MAML2: variants seen among roughly 807,000 people sequenced by gnomAD.
MAML2 encodes mastermind-like protein 2.
MAML2 carries 22 observed loss-of-function variants against 96.1 expected under a neutral mutation model. The ratio of observed to expected loss-of-function variants is 0.23; its 90% CI spans 0.16 to 0.33. MAML2 has a LOEUF of 0.33. Ranked by LOEUF, MAML2 falls within the 10% of genes least tolerant of loss-of-function variation. The probability of loss-of-function intolerance (pLI) is 1.00; values close to 1 mark genes in which losing one functional copy is unlikely to be tolerated. For synonymous variants in MAML2, 561 were observed against 521.3 expected (o/e 1.08, Z -1.04); for missense variants, 1,367 against 1,392.4 (o/e 0.98, Z 0.29).
At chr11:96,234,508 T>C (rs1862340597) in intron 1 of MAML2, among the ~76,000 whole-genome samples, 1 of 152,034 alleles carries the variant, frequency 6.6e-6, no homozygotes, top group South Asian at 2.1e-4. Context: ...AATAAACACA[T>C]ACATACATTT....
chr11:96,054,137 T>A (rs1428986799), intron 2 of MAML2, among the ~76,000 whole-genome samples: 1 of 152,194 alleles, frequency 6.6e-6, no homozygotes, highest in Non-Finnish European at 1.5e-5. Context: ...ATTGGAATTT[T>A]AAAGGTTCTT....
intron 1 of MAML2, among the ~76,000 whole-genome samples, chr11:96,293,142 G>A (rs533301975): frequency 2.0e-5 from 3 of 152,164 alleles, no homozygotes; most frequent in South Asian, 4.2e-4. Flanking sequence ...GTGTCTCTTC[G>A]AAAGAATCAC....
chr11:96,140,004 A>G (rs1168646739), intron 1 of MAML2, among the ~76,000 whole-genome samples: 1 of 152,260 alleles, frequency 6.6e-6, no homozygotes, highest in Non-Finnish European at 1.5e-5. Context: ...ATTGAAAACC[A>G]TCAGAACGAA....
intron 1 of MAML2, among the ~76,000 whole-genome samples, chr11:96,167,877 C>A (rs1213779819): frequency 1.3e-5 from 2 of 152,208 alleles, no homozygotes; most frequent in African/African-American, 4.8e-5. Context: ...ATAATTTCCT[C>A]CTAATTCTCA....
intron 1 of MAML2, among the ~76,000 whole-genome samples, chr11:96,109,065 C>G (rs896257219): frequency 6.6e-6 from 1 of 151,848 alleles, no homozygotes; most frequent in Admixed American, 6.6e-5. Context: ...TTCATCCAGT[C>G]AGTAATTGAA....
intron 3 of MAML2, among the ~76,000 whole-genome samples, chr11:95,986,850 A>G (rs1857836345): frequency 6.6e-6 from 1 of 152,114 alleles, no homozygotes; most frequent in Non-Finnish European, 1.5e-5. Flanking sequence ...TCCTTTTGGA[A>G]TCAGCCTTTT....
rs1181757353 is a variant in MAML2 at position 96,093,484 on chromosome 11, T to A, written c.547A>T (p.Asn183Tyr). The A allele has an allele frequency of 6.2e-7, 1 of 1,610,100 alleles. No homozygotes were observed. ...CGCTTGCTGTTGGCAGGAGATAGGT[T>A]AACTACCTGTTTTCTTTTCAAGGAA... is the stretch of plus-strand genomic sequence containing the variant. Reference protein sequence around the residue: ...QGSLKRKQVVNLSPANSKRPN... With the variant: ...QGSLKRKQVVYLSPANSKRPN... Residue 183 changes from asparagine (N) to tyrosine (Y), a missense_variant, in exon 2 of 5, where the codon AAC becomes TAC. Physicochemically the swap from Asn to Tyr is moderately radical, Grantham distance 143. Transcript: ENST00000524717.
intron 1 of MAML2, among the ~76,000 whole-genome samples, chr11:96,295,436 A>G (rs1863279891): frequency 6.6e-6 from 1 of 152,174 alleles, no homozygotes; most frequent in East Asian, 1.9e-4. Context: ...ATGAACTATA[A>G]ACAGAAGTTG....
chr11:96,002,985 TG>T (rs1858116760), intron 2 of MAML2, among the ~76,000 whole-genome samples: 1 of 141,730 alleles, frequency 7.1e-6, no homozygotes, highest in Non-Finnish European at 1.5e-5. Context: ...AGGATGATGA[TG>T]GTGATGATGA....
chr11:96,138,775 T>C (rs548141197), intron 1 of MAML2, among the ~76,000 whole-genome samples: 1 of 152,122 alleles, frequency 6.6e-6, no homozygotes, highest in Non-Finnish European at 1.5e-5. Context: ...GGTGAGTTTC[T>C]ATGATCCCCA....
At chr11:96,037,055 G>A (rs1858726155) in intron 2 of MAML2, among the ~76,000 whole-genome samples, 1 of 152,164 alleles carries the variant, frequency 6.6e-6, no homozygotes, top group Non-Finnish European at 1.5e-5. Flanking sequence ...GCCGTCGGGA[G>A]CCAACGCACC....
At chr11:96,028,761 G>A (rs1216832456) in intron 2 of MAML2, among the ~76,000 whole-genome samples, 1 of 152,206 alleles carries the variant, frequency 6.6e-6, no homozygotes, top group Non-Finnish European at 1.5e-5. Flanking sequence ...AGGGCAGAGG[G>A]AAATGTGACA....
intron 1 of MAML2, among the ~76,000 whole-genome samples, chr11:96,167,097 T>C (rs1349421208): frequency 6.6e-6 from 1 of 152,194 alleles, no homozygotes; most frequent in African/African-American, 2.4e-5. Context: ...ACCTAACCTG[T>C]TTAAAACTGA....
chr11:96,023,522 G>A (rs1858469023), intron 2 of MAML2, among the ~76,000 whole-genome samples: 1 of 152,210 alleles, frequency 6.6e-6, no homozygotes, highest in Admixed American at 6.5e-5. Flanking sequence ...CACCCAGCTA[G>A]TGAGACGACT....
chr11:96,141,770 A>G (rs1373096199), intron 1 of MAML2, among the ~76,000 whole-genome samples: 1 of 152,226 alleles, frequency 6.6e-6, no homozygotes, highest in Non-Finnish European at 1.5e-5. Context: ...GAGTTTCTGT[A>G]TCAGCAGGGG....
intron 1 of MAML2, among the ~76,000 whole-genome samples, chr11:96,100,550 T>A (rs916781343): frequency 1.8e-4 from 27 of 152,076 alleles, no homozygotes; most frequent in African/African-American, 6.3e-4. Flanking sequence ...CCTCAAGTGA[T>A]CTGCCTGCAT....
intron 2 of MAML2, among the ~76,000 whole-genome samples, chr11:96,058,402 A>G (rs778272363): frequency 6.6e-6 from 1 of 152,258 alleles, no homozygotes; most frequent in Admixed American, 6.5e-5. Flanking sequence ...TCACTGCAAC[A>G]TCTGCCTCTC....
intron 1 of MAML2, among the ~76,000 whole-genome samples, chr11:96,114,512 G>A (rs1860199886): frequency 2.0e-5 from 3 of 152,178 alleles, no homozygotes; most frequent in Non-Finnish European, 4.4e-5. Context: ...TACAGCCTCT[G>A]GCTTCTGTAG....
At chr11:96,107,937 A>G (rs1445168444) in intron 1 of MAML2, among the ~76,000 whole-genome samples, 1 of 152,106 alleles carries the variant, frequency 6.6e-6, no homozygotes, top group Non-Finnish European at 1.5e-5. Context: ...TAGCTCTTAT[A>G]ATATCCTTTA....
Sources: gnomAD v4.1 joint callset for allele counts (sites outside exome capture counted in the v4.1 genomes callset) on GRCh38, gnomAD v4.1.1 for gene constraint, MANE v1.5 for transcripts, NCBI Gene and HGNC (gene_info 2026-07-23, HGNC 2026-07-21) for gene names.